The following GABBR2 variants were observed in gnomAD, a reference collection of about 807,000 sequenced individuals.
GABBR2 encodes the protein gamma-aminobutyric acid type B receptor subunit 2.
A neutral mutation model predicts 105.6 loss-of-function variants in GABBR2; 23 were observed. The ratio of observed to expected loss-of-function variants is 0.22; its 90% confidence interval spans 0.16 to 0.31. GABBR2 has a LOEUF of 0.31. Ranked by LOEUF, GABBR2 falls within the 10% of genes least tolerant of loss-of-function variation. GABBR2 has a pLI of 1.00. For missense variants in GABBR2, 734 were observed against 1,245.5 expected (o/e 0.59, Z 6.18); for synonymous variants, 478 against 499.7 (o/e 0.96, Z 0.58).
chr9:98,288,433 G>C lies in GABBR2; in HGVS notation c.*2151C>G, dbSNP rs563715323. ...TTCGTGAGTTAACCTAGAAGACAGC[G>C]CACGCTCAGGAGTCACAAAGGGTTA... On this transcript the variant is annotated 3_prime_UTR_variant, in exon 19 of 19. Transcript: ENST00000259455. The C allele has an allele frequency of 6.6e-6, 1 of 152,556 alleles. No individual in the cohort carries two copies. The highest frequency in any genetic ancestry group is 1.9e-4 in the East Asian group (1 of 5,192). 9.5% of individuals were successfully genotyped at this position (152,556 alleles called of 1,614,324 possible).
At chr9:98,601,029 T>C (rs1024199242) in intron 1 of GABBR2, among the ~76,000 whole-genome samples, 2 of 152,158 alleles carry the variant, frequency 1.3e-5, no homozygotes, top group Non-Finnish European at 2.9e-5. Flanking sequence ...CACTTTCTGC[T>C]CCAAATCCTC....
chr9:98,652,053 G>T (rs1830116000), intron 1 of GABBR2, among the ~76,000 whole-genome samples: 1 of 152,096 alleles, frequency 6.6e-6, no homozygotes, highest in East Asian at 1.9e-4. Flanking sequence ...GTTGAAGCTG[G>T]GTGATAGGTA....
At chr9:98,463,889 G>A (rs1826479456) in intron 6 of GABBR2, among the ~76,000 whole-genome samples, 1 of 152,192 alleles carries the variant, frequency 6.6e-6, no homozygotes, top group Non-Finnish European at 1.5e-5. Flanking sequence ...GCCCGCCTCG[G>A]CCTCCCAAGG....
intron 13 of GABBR2, among the ~76,000 whole-genome samples, chr9:98,342,613 G>C (rs1831233088): frequency 6.6e-6 from 1 of 152,166 alleles, no homozygotes; most frequent in African/African-American, 2.4e-5. Context: ...CTGGACCATG[G>C]TCTGCATCTG....
At chr9:98,295,333 T>C (rs1830363162) in intron 17 of GABBR2, among the ~76,000 whole-genome samples, 1 of 152,184 alleles carries the variant, frequency 6.6e-6, no homozygotes, top group South Asian at 2.1e-4. Flanking sequence ...CATTTTGTGC[T>C]GTGTGTTGGT....
chr9:98,333,449 G>T (rs969568865), intron 13 of GABBR2, among the ~76,000 whole-genome samples: 1 of 152,160 alleles, frequency 6.6e-6, no homozygotes, highest in Non-Finnish European at 1.5e-5. Flanking sequence ...GAAGGCTCAA[G>T]AGAAGAATCC....
chr9:98,394,087 T>C, intron 9 of GABBR2, 88 bp downstream of exon 9: 1 of 913,926 alleles, frequency 1.1e-6, no homozygotes, highest in Non-Finnish European at 1.8e-6. Flanking sequence ...AAGCCAAGGA[T>C]GCTGAGCTTG....
chr9:98,340,729 A>C (rs1228404243), intron 13 of GABBR2, among the ~76,000 whole-genome samples: 1 of 152,220 alleles, frequency 6.6e-6, no homozygotes, highest in Non-Finnish European at 1.5e-5. Context: ...CTGATGATGA[A>C]CCATTTACCA....
At chr9:98,474,006 G>C (rs909526284) in intron 5 of GABBR2, among the ~76,000 whole-genome samples, 13 of 152,198 alleles carry the variant, frequency 8.5e-5, no homozygotes, top group African/African-American at 3.1e-4. Flanking sequence ...GGCAAACCGA[G>C]AAGTCGCTCT....
At chr9:98,472,359 T>A (rs1367627760) in intron 6 of GABBR2, among the ~76,000 whole-genome samples, 3 of 152,190 alleles carry the variant, frequency 2.0e-5, no homozygotes, top group Admixed American at 6.5e-5. Flanking sequence ...AATAGCCCTA[T>A]GAGATAAGCA....
At chr9:98,354,797 G>T (rs1831457560) in intron 13 of GABBR2, among the ~76,000 whole-genome samples, 1 of 152,110 alleles carries the variant, frequency 6.6e-6, no homozygotes, top group South Asian at 2.1e-4. Flanking sequence ...AGGCTGTTTT[G>T]CTTTCTTATC....
intron 1 of GABBR2, among the ~76,000 whole-genome samples, chr9:98,664,272 A>G (rs1415211684): frequency 2.0e-5 from 3 of 152,204 alleles, no homozygotes; most frequent in Non-Finnish European, 4.4e-5. Context: ...AGACCTAAGA[A>G]TAAACGGCTA....
intron 1 of GABBR2, among the ~76,000 whole-genome samples, chr9:98,601,913 C>A (rs1829343297): frequency 6.6e-6 from 1 of 152,222 alleles, no homozygotes; most frequent in South Asian, 2.1e-4. Flanking sequence ...AAGTCAAGTA[C>A]AGCACAAACA....
chr9:98,454,280 T>G lies in GABBR2; in HGVS notation c.1000-63A>C. On this transcript the variant is annotated intron_variant, in intron 6 of 18. Coordinates refer to ENST00000259455, the MANE Select transcript of GABBR2 (RefSeq NM_005458.8). This position sits in a 1 kb window ranked among gnomAD's most constrained non-coding sequence, Gnocchi z 4.6. ...CTCGGCAGGGACATCAGGTGCCTGA[T>G]GCCGAGAAGAGCTGCTATTCTTCAA... The G allele has an allele frequency of 9.0e-7, 1 of 1,109,950 alleles. No individual in the cohort carries two copies. The highest frequency in any genetic ancestry group is 1.7e-5 in the Admixed American group (1 of 59,086). 68.8% of individuals were successfully genotyped at this position (1,109,950 alleles called of 1,614,324 possible).
At chr9:98,326,378 G>A (rs1202137303) in intron 13 of GABBR2, among the ~76,000 whole-genome samples, 1 of 152,210 alleles carries the variant, frequency 6.6e-6, no homozygotes, top group East Asian at 1.9e-4. Flanking sequence ...GGAGGAACCT[G>A]AGGCTCAGGG....
chr9:98,391,395 G>T (rs1247711188), intron 9 of GABBR2, among the ~76,000 whole-genome samples: 1 of 152,148 alleles, frequency 6.6e-6, no homozygotes, highest in Non-Finnish European at 1.5e-5. Flanking sequence ...TAAGTGGCAG[G>T]ATTTGAACTC....
intron 14 of GABBR2, among the ~76,000 whole-genome samples, chr9:98,309,398 C>G (rs1043434665): frequency 2.6e-5 from 4 of 152,204 alleles, no homozygotes; most frequent in African/African-American, 9.7e-5. Context: ...GGAAGGATCA[C>G]GGAGACAGTC....
At position 98,289,286 on chromosome 9, in the gene GABBR2, C is replaced by G. The variant is rs1381203712; in HGVS notation, c.*1298G>C. On this transcript the variant is annotated 3_prime_UTR_variant, in exon 19 of 19. Coordinates refer to ENST00000259455, the MANE Select transcript of GABBR2 (RefSeq NM_005458.8). ...GGCAGGACAGGTGTTTTAGTTCAAC[C>G]CCAAGTTACAGAGGGGAAACTGAGG... The G allele has an allele frequency of 6.6e-6, 1 of 152,310 alleles. No individual in the cohort carries two copies. Among genetic ancestry groups the G allele is most frequent in the Non-Finnish European group, 1.5e-5 (1 of 68,142 alleles). 9.4% of individuals were successfully genotyped at this position (152,310 alleles called of 1,614,324 possible).
At chr9:98,377,554 CT>C (rs1831898682) in intron 11 of GABBR2, among the ~76,000 whole-genome samples, 1 of 152,208 alleles carries the variant, frequency 6.6e-6, no homozygotes, top group African/African-American at 2.4e-5. Context: ...GGTTTTCAAT[CT>C]ACACTGCCAG....
Sources: allele counts gnomAD v4.1 joint callset (sites outside exome capture counted in the v4.1 genomes callset), GRCh38; gene constraint gnomAD v4.1.1; non-coding constraint Gnocchi (gnomAD v3.1); transcripts MANE v1.5; gene names NCBI Gene and HGNC (gene_info 2026-07-23, HGNC 2026-07-21).